Variants in MBD2 observed in about 807,000 individuals in gnomAD.
MBD2 encodes methyl-CpG binding domain protein 2, also known as methyl-CpG-binding domain protein 2.
A neutral mutation model predicts 39.3 loss-of-function variants in MBD2; 9 were observed. The ratio of observed to expected loss-of-function variants is 0.23; its 90% CI spans 0.14 to 0.40. The LOEUF is 0.40. MBD2 is among the 10% of genes least tolerant of loss of function. The probability of loss-of-function intolerance (pLI) is 1.00; values close to 1 mark genes in which losing one functional copy is unlikely to be tolerated. For synonymous variants in MBD2, 233 were observed against 211.1 expected (o/e 1.10, Z -0.90); for missense variants, 458 against 532.6 (o/e 0.86, Z 1.38).
At chr18:54,168,613 T>TTTTGTG (rs1182386086) in intron 3 of MBD2, among the ~76,000 whole-genome samples, 7 of 117,124 alleles carry the variant, frequency 6.0e-5, no homozygotes, top group Non-Finnish European at 1.0e-4. Context: ...GTATGCATAT[T>TTTTGTG]TGTGTGTGTG....
intron 2 of MBD2, among the ~76,000 whole-genome samples, chr18:54,201,617 C>T (rs563722133): frequency 6.6e-6 from 1 of 152,274 alleles, no homozygotes; most frequent in South Asian, 2.1e-4. Context: ...AATCCCAGCA[C>T]TTTGGGAGGC....
chr18:54,199,053 G>C (rs2086387029), intron 2 of MBD2, among the ~76,000 whole-genome samples: 1 of 152,128 alleles, frequency 6.6e-6, no homozygotes, highest in Middle Eastern at 3.4e-3. Context: ...AAGAGGATTG[G>C]GACTAAGAGA....
intron 2 of MBD2, among the ~76,000 whole-genome samples, chr18:54,204,162 C>G (rs2086430546): frequency 6.6e-6 from 1 of 152,170 alleles, no homozygotes; most frequent in African/African-American, 2.4e-5. Flanking sequence ...AAAGAGAGCC[C>G]CTACTTCTCC....
intron 1 of MBD2, among the ~76,000 whole-genome samples, chr18:54,206,975 C>T (rs1311108384): frequency 6.6e-6 from 1 of 152,186 alleles, no homozygotes; most frequent in South Asian, 2.1e-4. Context: ...GTGTCAGTGG[C>T]GCTGCTGTCC....
At chr18:54,161,949 A>G (rs2086101444) in intron 5 of MBD2, among the ~76,000 whole-genome samples, 1 of 152,210 alleles carries the variant, frequency 6.6e-6, no homozygotes, top group Non-Finnish European at 1.5e-5. Context: ...TGACAGAAGC[A>G]TAAAGGGGCA....
intron 2 of MBD2, among the ~76,000 whole-genome samples, chr18:54,193,486 T>C (rs569707650): frequency 6.6e-6 from 1 of 152,332 alleles, no homozygotes; most frequent in Admixed American, 6.5e-5. Context: ...AGTATTTTTC[T>C]TGAGGATCTA....
intron 1 of MBD2, among the ~76,000 whole-genome samples, chr18:54,211,151 G>A (rs1238400925): frequency 2.0e-5 from 3 of 151,894 alleles, no homozygotes; most frequent in East Asian, 1.9e-4. Flanking sequence ...GATTACAGAC[G>A]TGAGCCACCG....
intron 6 of MBD2, among the ~76,000 whole-genome samples, chr18:54,156,955 A>C (rs1170363178): frequency 6.6e-6 from 1 of 152,150 alleles, no homozygotes; most frequent in African/African-American, 2.4e-5. Flanking sequence ...CTAGAAAAAA[A>C]CCAAAAAGCC....
intron 6 of MBD2, among the ~76,000 whole-genome samples, chr18:54,157,921 C>G (rs2086065261): frequency 6.6e-6 from 1 of 152,194 alleles, no homozygotes; most frequent in Non-Finnish European, 1.5e-5. Flanking sequence ...TTCTCCCAAC[C>G]TATTGGCATG....
chr18:54,205,278 A>T (rs897816618), intron 1 of MBD2, 121 bp from the exon 2 acceptor site: 4 of 980,882 alleles, frequency 4.1e-6, no homozygotes, highest in African/African-American at 1.7e-5. Flanking sequence ...TTTTAAAGAA[A>T]TGTTAAAGTT....
chr18:54,187,965 T>A (rs2086295438), intron 3 of MBD2: 2 of 474,818 alleles, frequency 4.2e-6, no homozygotes, highest in African/African-American at 2.1e-5. Context: ...CTTGAAGGAC[T>A]AGTGAAAAAC....
intron 3 of MBD2, among the ~76,000 whole-genome samples, chr18:54,184,186 C>G (rs1428309756): frequency 6.6e-6 from 1 of 152,026 alleles, no homozygotes; most frequent in Admixed American, 6.6e-5. Flanking sequence ...AGTCCCCAAC[C>G]CCCAGGCCAC....
Position 54,153,960 on chromosome 18 carries a change from C to T in MBD2, c.*1364G>A, listed in dbSNP as rs1202380701. On this transcript the variant is annotated 3_prime_UTR_variant, in exon 7 of 7. Transcript: ENST00000256429. Reference sequence around the variant, plus strand: ...AGCTAGTCATATTGCTTTGACTATTCCCCTCTTCTTCCCTGCCTTGGAAAC... The same window carrying T: ...AGCTAGTCATATTGCTTTGACTATTTCCCTCTTCTTCCCTGCCTTGGAAAC... The T allele has an allele frequency of 6.6e-6, 1 of 152,230 alleles. No homozygotes were observed. Among genetic ancestry groups the T allele is most frequent in the Non-Finnish European group, 1.5e-5 (1 of 68,064 alleles). The allele number at this position is 152,230 out of a possible 1,614,324, so 9.4% of individuals were successfully genotyped here. A position where few individuals can be genotyped will look rare whatever the true frequency, so the allele number is the denominator to read the frequency against.
At position 54,224,461 on chromosome 18, in the gene MBD2, C is replaced by G. The variant is rs2086645355; in HGVS notation, c.99G>C (p.Glu33Asp). Residue 33 changes from glutamate (E) to aspartate (D), a missense_variant, in exon 1 of 7, where the codon GAG (glutamate) becomes GAC (aspartate). This residue lies in a region of MBD2 where 269 missense variants were observed against 236.0 expected (regional missense o/e 1.14). Coordinates refer to ENST00000256429, the MANE Select transcript of MBD2 (RefSeq NM_003927.5). ...CGAGCGCGCTGCCCTGGCCCCCCTG[C>G]TCTATGGCGGAGTCGCCGCCAGCGC... Reference protein sequence around the residue: ...GSGAGGDSAIEQGGQGSALAP... With the variant: ...GSGAGGDSAIDQGGQGSALAP... 1 of 1,234,420 alleles carries G rather than the reference C, an allele frequency of 8.1e-7. No individual in the cohort carries two copies. Among genetic ancestry groups the G allele is most frequent in the Non-Finnish European group, 1.0e-6 (1 of 991,162 alleles). The allele number at this position is 1,234,420 out of a possible 1,614,324, so 76.5% of individuals were successfully genotyped here.
chr18:54,197,325 G>A (rs138668410), intron 2 of MBD2, among the ~76,000 whole-genome samples: 33 of 152,276 alleles, frequency 2.2e-4, no homozygotes, highest in South Asian at 1.9e-3. Flanking sequence ...TATGCTGGCT[G>A]GCACAGCCCT....
intron 1 of MBD2, among the ~76,000 whole-genome samples, chr18:54,214,763 G>A (rs34993600): frequency 0.34 from 50,646 of 148,134 alleles, 9,587 homozygotes; most frequent in East Asian, 0.57. Context: ...TTTTTTAGAC[G>A]GAGTCTCGCT....
intron 1 of MBD2, among the ~76,000 whole-genome samples, chr18:54,223,728 A>C (rs144416597): frequency 6.6e-6 from 1 of 152,270 alleles, no homozygotes; most frequent in East Asian, 1.9e-4. Context: ...ACCTCCTTTT[A>C]ACCCTTCAGT....
intron 1 of MBD2, among the ~76,000 whole-genome samples, chr18:54,219,285 T>C (rs543241): frequency 0.038 from 5,858 of 152,288 alleles, 354 homozygotes; most frequent in African/African-American, 0.13. Context: ...ATTAATAAAA[T>C]ACCTCAACCA....
At chr18:54,213,088 G>GT (rs2086523212) in intron 1 of MBD2, among the ~76,000 whole-genome samples, 1 of 132,226 alleles carries the variant, frequency 7.6e-6, no homozygotes, top group Non-Finnish European at 1.6e-5. Flanking sequence ...ATGGGGGCGG[G>GT]GGGGGGGATT....
Sources: allele counts gnomAD v4.1 joint callset (sites outside exome capture counted in the v4.1 genomes callset), GRCh38; gene constraint gnomAD v4.1.1; regional missense constraint gnomAD v4.1.1; transcripts MANE v1.5; gene names NCBI Gene and HGNC (gene_info 2026-07-23, HGNC 2026-07-21).